The following CRYL1 variants were observed in gnomAD, a reference collection of about 807,000 sequenced individuals.
CRYL1 encodes the protein crystallin lambda 1, also known as lambda-crystallin homolog.
Under a neutral mutation model 36.6 loss-of-function variants are expected in CRYL1, and 29 were observed. The ratio of observed to expected loss-of-function variants is 0.79; its 90% CI spans 0.59 to 1.08. The LOEUF (loss-of-function observed/expected upper bound fraction) is 1.08. CRYL1 is among the 50% of genes least tolerant of loss of function. CRYL1 has a pLI of 0.00. For synonymous variants in CRYL1, 152 were observed against 151.5 expected, an observed-to-expected ratio of 1.00 and a Z score of -0.02; for missense variants, 411 against 407.9, an observed-to-expected ratio of 1.01 and a Z score of -0.06.
chr13:20,488,618 A>G (rs1243130026), intron 3 of CRYL1, among the ~76,000 whole-genome samples: 2 of 152,258 alleles, frequency 1.3e-5, no homozygotes, highest in East Asian at 3.8e-4. Flanking sequence ...AACGACGTGA[A>G]ATGTGCAAAT....
chr13:20,489,298 C>T lies in CRYL1; in HGVS notation c.276+72G>A. 7 of 1,590,162 alleles carry T rather than the reference C, an allele frequency of 4.4e-6. No individual in the cohort carries two copies. The South Asian group carries it at 6.7e-5, about 15-fold the overall frequency. On this transcript the variant is annotated intron_variant, in intron 3 of 7. Coordinates refer to ENST00000298248, the MANE Select transcript of CRYL1 (RefSeq NM_015974.3). The stretch of plus-strand genomic sequence containing the variant: ...CACCTGCCACTGCTCTGTATCCTGC[C>T]CTGTTCCTCCGGAGAGGCTGGGAGA...
Position 20,525,714 on chromosome 13 carries a change from C to A in CRYL1, c.41+40G>T. 7.5e-7 allele frequency: 1 copy of A among 1,338,134 alleles called. No individual in the cohort carries two copies. The highest frequency in any genetic ancestry group is 9.6e-7 in the Non-Finnish European group (1 of 1,040,740). The allele number at this position is 1,338,134 out of a possible 1,614,324, so 82.9% of individuals were successfully genotyped here. A position where few individuals can be genotyped will look rare whatever the true frequency, so the allele number is the denominator to read the frequency against. ...AGGGCACCACGTCCCCGGCGTCTCC[C>A]CGGGCTCCAGGGGCAGCAGCGCGGC... On this transcript the variant is annotated intron_variant, in intron 1 of 7. Coordinates refer to ENST00000298248, the MANE Select transcript of CRYL1 (RefSeq NM_015974.3). This position sits in a 1 kb window ranked among gnomAD's most constrained non-coding sequence, Gnocchi z 4.3.
intron 2 of CRYL1, among the ~76,000 whole-genome samples, chr13:20,497,852 A>G (rs1271111046): frequency 6.6e-6 from 1 of 151,732 alleles, no homozygotes. Context: ...CATACACACA[A>G]CTACACACAC....
intron 3 of CRYL1, among the ~76,000 whole-genome samples, chr13:20,487,041 A>G (rs2033414496): frequency 6.6e-6 from 1 of 152,184 alleles, no homozygotes; most frequent in African/African-American, 2.4e-5. Context: ...ATAAAAAACA[A>G]TATACTCTTT....
intron 6 of CRYL1, among the ~76,000 whole-genome samples, chr13:20,411,214 C>T (rs924937602): frequency 1.1e-4 from 16 of 152,194 alleles, no homozygotes; most frequent in African/African-American, 3.9e-4. Flanking sequence ...CCAGCCAGAT[C>T]TTATAACTCT....
chr13:20,414,889 C>A (rs2031618675), intron 5 of CRYL1, among the ~76,000 whole-genome samples: 1 of 152,228 alleles, frequency 6.6e-6, no homozygotes, highest in Non-Finnish European at 1.5e-5. Context: ...GAAGCCGCCA[C>A]CTTTTCCCCT....
Position 20,421,024 on chromosome 13 carries a change from C to A in CRYL1, c.634-7637G>T, listed in dbSNP as rs541836733. Among the ~76,000 whole-genome samples the A allele has an allele frequency of 1.1e-4, 16 of 150,854 alleles. 1 individual carries two copies. In the East Asian group the frequency reaches 2.7e-3, roughly 26 times the overall value. ...CTGGGATTACAGGCGTGAGCCACTG[C>A]GCCCAGCCTAAAATAGAGCTTTTAA... On this transcript the variant is annotated intron_variant, in intron 5 of 7. Transcript: ENST00000298248.
At chr13:20,450,143 A>C (rs1039276647) in intron 3 of CRYL1, among the ~76,000 whole-genome samples, 1 of 152,224 alleles carries the variant, frequency 6.6e-6, no homozygotes, top group African/African-American at 2.4e-5. Flanking sequence ...ATCCAGCCTA[A>C]GCAAAAAGAA....
At chr13:20,431,053 C>T (rs568281500) in intron 5 of CRYL1, 20 of 985,426 alleles carry the variant, frequency 2.0e-5, no homozygotes, top group South Asian at 4.7e-5. Context: ...CAAATGCACC[C>T]GGCAGTCCAG....
intron 3 of CRYL1, among the ~76,000 whole-genome samples, 157 bp downstream of exon 3, chr13:20,489,213 G>A (rs1354619387): frequency 6.6e-6 from 1 of 152,116 alleles, no homozygotes; most frequent in Non-Finnish European, 1.5e-5. Flanking sequence ...AGGGTGTTTT[G>A]GGGATCACAT....
Position 20,506,405 on chromosome 13 carries a change from G to C in CRYL1, c.149+6038C>G, listed in dbSNP as rs149095958. Among the ~76,000 whole-genome samples the C allele has an allele frequency of 5.0e-3, 764 of 152,118 alleles. 19 individuals carry two copies. The South Asian group carries it at 0.082, about 16-fold the overall frequency. ...ACTGCTAACAGTCATAAGTTATTTA[G>C]GTTTTTCTGGTTCAAAAATCTTACA... On this transcript the variant is annotated intron_variant, in intron 2 of 7. Coordinates refer to ENST00000298248, the MANE Select transcript of CRYL1 (RefSeq NM_015974.3).
intron 3 of CRYL1, among the ~76,000 whole-genome samples, chr13:20,487,277 T>C (rs2033418742): frequency 6.6e-6 from 1 of 151,052 alleles, no homozygotes; most frequent in South Asian, 2.1e-4. Context: ...CAAGTTGCCA[T>C]GCTATGGAAT....
chr13:20,498,117 C>A (rs73163223), intron 2 of CRYL1, among the ~76,000 whole-genome samples: 5,857 of 150,100 alleles, frequency 0.039, 178 homozygotes, highest in Non-Finnish European at 0.058. Context: ...CTACACACAC[C>A]CCATATACAC....
chr13:20,515,099 C>CG (rs1302729682), intron 1 of CRYL1, among the ~76,000 whole-genome samples: 57 of 152,148 alleles, frequency 3.7e-4, no homozygotes, highest in African/African-American at 1.3e-3. Flanking sequence ...CAAAGGTTCA[C>CG]GTATTGTATG....
chr13:20,474,464 G>A (rs776854278), intron 3 of CRYL1, among the ~76,000 whole-genome samples: 12 of 152,100 alleles, frequency 7.9e-5, no homozygotes, highest in African/African-American at 1.2e-4. Context: ...ATTTTGTGTC[G>A]CCCTCAGAAG....
intron 1 of CRYL1, among the ~76,000 whole-genome samples, chr13:20,523,715 G>T (rs1397671301): frequency 6.6e-6 from 1 of 151,956 alleles, no homozygotes; most frequent in African/African-American, 2.4e-5. Context: ...TGCTGAGGGT[G>T]GGGGAAAGAC....
At chr13:20,480,551 A>G (rs2033255251) in intron 3 of CRYL1, among the ~76,000 whole-genome samples, 1 of 152,250 alleles carries the variant, frequency 6.6e-6, no homozygotes, top group South Asian at 2.1e-4. Flanking sequence ...TCCAGCACAC[A>G]TAACTTCATA....
At chr13:20,467,947 C>T (rs886750621) in intron 3 of CRYL1, among the ~76,000 whole-genome samples, 5 of 152,114 alleles carry the variant, frequency 3.3e-5, no homozygotes, top group Non-Finnish European at 5.9e-5. Flanking sequence ...CTCACAGGAG[C>T]GCAAACCCTG....
chr13:20,461,152 C>T (rs991166258), intron 3 of CRYL1, among the ~76,000 whole-genome samples: 1 of 152,198 alleles, frequency 6.6e-6, no homozygotes, highest in Non-Finnish European at 1.5e-5. Context: ...TTGCTGGTTC[C>T]TATATTTTGC....
Sources: gnomAD v4.1 joint callset for allele counts (sites outside exome capture counted in the v4.1 genomes callset) on GRCh38, gnomAD v4.1.1 for gene constraint, Gnocchi (gnomAD v3.1) non-coding constraint, MANE v1.5 for transcripts, NCBI Gene and HGNC (gene_info 2026-07-23, HGNC 2026-07-21) for gene names.